The following SUSD3 variants were observed in gnomAD, a reference collection of about 807,000 sequenced individuals.
SUSD3 encodes the protein sushi domain-containing protein 3.
A neutral mutation model predicts 20.6 loss-of-function variants in SUSD3; 18 were observed. That is an observed-to-expected ratio of 0.87 (90% CI 0.60 to 1.30). SUSD3 has a LOEUF of 1.30. Ranked by LOEUF, SUSD3 falls within the 50% of genes most tolerant of loss-of-function variation. The pLI is 0.00. For synonymous variants in SUSD3, 137 were observed against 141.5 expected (o/e 0.97, Z 0.23); for missense variants, 306 against 346.9 (o/e 0.88, Z 0.94).
intron 1 of SUSD3, among the ~76,000 whole-genome samples, chr9:93,073,527 C>T (rs1373044728): frequency 1.3e-5 from 2 of 152,186 alleles, no homozygotes; most frequent in Non-Finnish European, 2.9e-5. Flanking sequence ...GGATTACAGG[C>T]GTGAGCCACC....
chr9:93,077,489 G>A (rs754009193), intron 2 of SUSD3, among the ~76,000 whole-genome samples: 1 of 151,924 alleles, frequency 6.6e-6, no homozygotes, highest in African/African-American at 2.4e-5. Flanking sequence ...ACAAAACCCT[G>A]CTCAAATACC....
At position 93,084,521 on chromosome 9, in the gene SUSD3, C is replaced by T. The variant is rs1244606676; in HGVS notation, c.558-16C>T. The stretch of plus-strand genomic sequence containing the variant: ...ATCCACACTCTTTTGCCAACTCATG[C>T]CTCCTCTCTCCACAGAGACCATGGT... On this transcript the variant is annotated splice_polypyrimidine_tract_variant and intron_variant, in intron 4 of 4. Transcript: ENST00000375472. 2 of 1,563,324 alleles carry T rather than the reference C, an allele frequency of 1.3e-6. No individual in the cohort carries two copies. Among genetic ancestry groups the T allele is most frequent in the East Asian group, 2.3e-5 (1 of 42,578 alleles).
At chr9:93,069,201 C>T in intron 1 of SUSD3, 1 of 695,932 alleles carries the variant, frequency 1.4e-6, no homozygotes, top group Non-Finnish European at 2.6e-6. Flanking sequence ...TCTCACCCAT[C>T]CCGCTCCACC....
At chr9:93,077,785 C>T in intron 2 of SUSD3, 61 bp from the exon 3 acceptor site, 2 of 1,603,494 alleles carry the variant, frequency 1.2e-6, no homozygotes, top group Non-Finnish European at 1.7e-6. Flanking sequence ...GACCCCCAAC[C>T]CCTGGGCCAA....
intron 1 of SUSD3, among the ~76,000 whole-genome samples, chr9:93,068,406 C>A (rs1300228080): frequency 6.6e-6 from 1 of 152,162 alleles, no homozygotes; most frequent in Non-Finnish European, 1.5e-5. Flanking sequence ...GTTGTCCCAG[C>A]ATCAGTTTGT....
At chr9:93,075,734 G>GTT in intron 1 of SUSD3, 50 bp from the exon 2 acceptor site, 1 of 385,272 alleles carries the variant, frequency 2.6e-6, no homozygotes, top group Admixed American at 4.2e-5. Flanking sequence ...CCTGCCCTGC[G>GTT]TGCCCACCCC....
Position 93,058,758 on chromosome 9 carries a change from G to A in SUSD3, c.16G>A (p.Ala6Thr). Residue 6 changes from alanine to threonine, a missense_variant, in exon 1 of 5, where the codon GCC becomes ACC. Physicochemically the swap from Ala to Thr is moderately conservative, Grantham distance 58. Transcript: ENST00000375472. Reference sequence around the variant, plus strand: ...AGCGCGCAGGATGCGCTGGGCGGCCGCCACCCTCCGTGGCAAGGCGAGGCC... The same window carrying A: ...AGCGCGCAGGATGCGCTGGGCGGCCACCACCCTCCGTGGCAAGGCGAGGCC... MRWAAATLRGKARPRG... is the reference protein window; with the variant it reads MRWAATTLRGKARPRG... The A allele has an allele frequency of 8.1e-7, 1 of 1,236,288 alleles. No homozygotes were observed. The highest frequency in any genetic ancestry group is 1.0e-6 in the Non-Finnish European group (1 of 989,914). 76.6% of individuals were successfully genotyped at this position (1,236,288 alleles called of 1,614,324 possible).
At chr9:93,078,842 C>T (rs1207045189) in intron 3 of SUSD3, among the ~76,000 whole-genome samples, 1 of 151,974 alleles carries the variant, frequency 6.6e-6, no homozygotes, top group Non-Finnish European at 1.5e-5. Flanking sequence ...CTCTGTCGCC[C>T]AGGCTGGAGT....
chr9:93,078,196 G>A (rs1007789812), intron 3 of SUSD3, among the ~76,000 whole-genome samples: 1 of 152,222 alleles, frequency 6.6e-6, no homozygotes, highest in African/African-American at 2.4e-5. Flanking sequence ...ACAGCTGGGG[G>A]ACATGTGGGC....
At chr9:93,075,626 C>T (rs2118972067) in intron 1 of SUSD3, among the ~76,000 whole-genome samples, 158 bp from the exon 2 acceptor site, 1 of 151,766 alleles carries the variant, frequency 6.6e-6, no homozygotes, top group African/African-American at 2.4e-5. Flanking sequence ...TGGATGACCC[C>T]ATGTGACCTC....
At chr9:93,079,633 G>C (rs1826327529) in intron 4 of SUSD3, 31 bp downstream of exon 4, 2 of 1,609,628 alleles carry the variant, frequency 1.2e-6, no homozygotes, top group Non-Finnish European at 1.7e-6. Flanking sequence ...GGGACATGCT[G>C]GGGGACAAGG....
intron 4 of SUSD3, 107 bp from the exon 5 acceptor site, chr9:93,084,430 C>A: frequency 9.7e-7 from 1 of 1,030,254 alleles, no homozygotes; most frequent in Non-Finnish European, 1.4e-6. Flanking sequence ...CTCAGGGCAG[C>A]AGTTGCCCCA....
chr9:93,079,350 G>C, intron 3 of SUSD3, 121 bp from the exon 4 acceptor site: 2 of 1,082,388 alleles, frequency 1.8e-6, no homozygotes, highest in Non-Finnish European at 2.7e-6. Context: ...AGCTCTTTGA[G>C]AGGTTTGCCA....
intron 1 of SUSD3, among the ~76,000 whole-genome samples, chr9:93,065,300 C>T (rs1825663085): frequency 6.6e-6 from 1 of 152,244 alleles, no homozygotes; most frequent in Admixed American, 6.5e-5. Flanking sequence ...TGGTCCACCC[C>T]TCCAGGCATC....
intron 2 of SUSD3, among the ~76,000 whole-genome samples, chr9:93,076,931 G>T (rs1393522964): frequency 2.0e-5 from 3 of 152,256 alleles, no homozygotes; most frequent in Non-Finnish European, 4.4e-5. Flanking sequence ...GCAGGCCCCA[G>T]TGTCTCAGGG....
intron 1 of SUSD3, among the ~76,000 whole-genome samples, chr9:93,059,156 C>A (rs531164328): frequency 1.6e-4 from 25 of 152,084 alleles, no homozygotes; most frequent in Non-Finnish European, 2.5e-4. Context: ...CGGGCCCCTC[C>A]GCGCCCCTCC....
At chr9:93,060,050 C>T (rs1447006907) in intron 1 of SUSD3, among the ~76,000 whole-genome samples, 1 of 152,170 alleles carries the variant, frequency 6.6e-6, no homozygotes, top group Non-Finnish European at 1.5e-5. Flanking sequence ...GTGCCAGTGC[C>T]CTTTGGATAG....
At chr9:93,076,308 T>C (rs1397455986) in intron 2 of SUSD3, among the ~76,000 whole-genome samples, 9 of 130,280 alleles carry the variant, frequency 6.9e-5, no homozygotes, top group South Asian at 2.3e-4. Context: ...AAACTATGTT[T>C]GTTCATTCAT....
intron 2 of SUSD3, among the ~76,000 whole-genome samples, 173 bp from the exon 3 acceptor site, chr9:93,077,673 C>T (rs1202072309): frequency 6.6e-6 from 1 of 152,122 alleles, no homozygotes; most frequent in African/African-American, 2.4e-5. Context: ...AGATCTTTGC[C>T]TCAGCCCCCA....
Sources: allele counts gnomAD v4.1 joint callset (sites outside exome capture counted in the v4.1 genomes callset), GRCh38; gene constraint gnomAD v4.1.1; transcripts MANE v1.5; gene names NCBI Gene and HGNC (gene_info 2026-07-23, HGNC 2026-07-21).